The following SORBS2 variants were observed in gnomAD, a reference collection of about 807,000 sequenced individuals.
SORBS2 encodes the protein sorbin and SH3 domain-containing protein 2.
Under a neutral mutation model 97.7 loss-of-function variants are expected in SORBS2, and 46 were observed. The observed-to-expected ratio is 0.47, with a 90% confidence interval of 0.37 to 0.60. The LOEUF (loss-of-function observed/expected upper bound fraction) is 0.60, where lower values mean the gene tolerates loss of function less well. SORBS2 is among the 20% of genes least tolerant of loss of function. The probability of loss-of-function intolerance (pLI) is 0.00; values close to 1 mark genes in which losing one functional copy is unlikely to be tolerated. For missense variants in SORBS2, 1,316 were observed against 1,282.3 expected, an observed-to-expected ratio of 1.03 and a Z score of -0.40; for synonymous variants, 476 against 473.4, an observed-to-expected ratio of 1.01 and a Z score of -0.07.
chr4:185,617,966 T>C (rs2096653672), intron 9 of SORBS2, among the ~76,000 whole-genome samples: 1 of 152,186 alleles, frequency 6.6e-6, no homozygotes, highest in African/African-American at 2.4e-5. Flanking sequence ...CAATACTTTA[T>C]TTATTTACTT....
chr4:185,660,868 G>A (rs1016207419), upstream of SORBS2, among the ~76,000 whole-genome samples: 2 of 152,184 alleles, frequency 1.3e-5, no homozygotes, highest in African/African-American at 4.8e-5. Flanking sequence ...TGTCCTAGAA[G>A]CTTCCTAGTG....
intron 2 of SORBS2, among the ~76,000 whole-genome samples, chr4:185,695,386 C>T (rs143820453): frequency 4.3e-4 from 65 of 152,156 alleles, no homozygotes; most frequent in African/African-American, 1.4e-3. Flanking sequence ...TTTCCACAGA[C>T]GAACCTTAAG....
At chr4:185,593,973 ACTGG>A in intron 12 of SORBS2, 38 bp from the exon 25 acceptor site, 1 of 1,333,832 alleles carries the variant, frequency 7.5e-7, no homozygotes, top group Non-Finnish European at 1.1e-6. Context: ...CAATGTTTAA[ACTGG>A]TACTAATTAA....
chr4:185,658,422 T>A (rs1399814931), upstream of SORBS2, among the ~76,000 whole-genome samples: 2 of 150,832 alleles, frequency 1.3e-5, no homozygotes, highest in Non-Finnish European at 3.0e-5. Flanking sequence ...TTTAAAAAAA[T>A]CATCATTATT....
At chr4:185,638,960 C>T (rs563926534) in intron 4 of SORBS2, 169 of 1,524,512 alleles carry the variant, frequency 1.1e-4, no homozygotes, top group Middle Eastern at 6.8e-4. Flanking sequence ...CCAGTGACTT[C>T]TCCGAGTCGG....
chr4:185,646,959 C>T (rs2097218105), intron 3 of SORBS2, among the ~76,000 whole-genome samples, 177 bp from the exon 13 acceptor site: 1 of 151,948 alleles, frequency 6.6e-6, no homozygotes, highest in Non-Finnish European at 1.5e-5. Flanking sequence ...CCAAAAGTCA[C>T]ATGAGGGGTT....
chr4:185,629,564 G>A (rs112258703), intron 5 of SORBS2, among the ~76,000 whole-genome samples: 4 of 135,722 alleles, frequency 2.9e-5, no homozygotes, highest in African/African-American at 1.1e-4. Context: ...TTTGTGATTT[G>A]TTTTTTTTTT....
intron 2 of SORBS2, among the ~76,000 whole-genome samples, chr4:185,750,639 T>C (rs1211354354): frequency 6.6e-6 from 1 of 152,220 alleles, no homozygotes; most frequent in Admixed American, 6.5e-5. Context: ...TTTGGTACCA[T>C]ATTGAAAATA....
At chr4:185,619,115 G>A (rs2096671831) in intron 8 of SORBS2, among the ~76,000 whole-genome samples, 1 of 152,154 alleles carries the variant, frequency 6.6e-6, no homozygotes, top group Non-Finnish European at 1.5e-5. Context: ...TCACTGGGAG[G>A]CTGGTTAGTG....
At chr4:185,833,461 C>T (rs2099206252) in intron 1 of SORBS2, among the ~76,000 whole-genome samples, 1 of 152,180 alleles carries the variant, frequency 6.6e-6, no homozygotes, top group Non-Finnish European at 1.5e-5. Context: ...TAAATCCTTT[C>T]AAATGAAACC....
chr4:185,744,054 TC>T (rs1311846147), intron 2 of SORBS2, among the ~76,000 whole-genome samples: 2 of 140,678 alleles, frequency 1.4e-5, no homozygotes, highest in Non-Finnish European at 3.1e-5. Flanking sequence ...CCCTTCTTCC[TC>T]CTTCTCCCCC....
chr4:185,677,481 G>T (rs762581586), intron 4 of SORBS2: 3 of 1,551,874 alleles, frequency 1.9e-6, no homozygotes. Flanking sequence ...ATCTTCATTG[G>T]AATACATAGT....
Position 185,627,127 on chromosome 4 carries a change from T to C in SORBS2, c.447-108A>G, listed in dbSNP as rs1294589254. On this transcript the variant is annotated intron_variant, in intron 5 of 14. Transcript: ENST00000418609. The stretch of plus-strand genomic sequence containing the variant: ...GACAATGGCGTAACTCCTAAACCTC[T>C]ATCCCCAAAACTGCATTGCTAGGAA... The C allele has an allele frequency of 5.8e-6, 5 of 866,066 alleles. No homozygotes were observed. In the African/African-American group the frequency reaches 8.2e-5, roughly 14 times the overall value. The allele number at this position is 866,066 out of a possible 1,614,324, so 53.6% of individuals were successfully genotyped here. A position where few individuals can be genotyped will look rare whatever the true frequency, so the allele number is the denominator to read the frequency against.
chr4:185,660,892 G>A (rs1486597856), upstream of SORBS2, among the ~76,000 whole-genome samples: 5 of 152,220 alleles, frequency 3.3e-5, no homozygotes, highest in Admixed American at 2.6e-4. Flanking sequence ...CGACATCATG[G>A]AAACTTGTAC....
At chr4:185,678,873 A>ATGT in intron 2 of SORBS2, 51 bp from the exon 6 acceptor site, 1 of 1,128,340 alleles carries the variant, frequency 8.9e-7, no homozygotes, top group Non-Finnish European at 1.2e-6. Context: ...ATAAATGAAC[A>ATGT]ACCCAGTAAA....
chr4:185,657,578 G>C, upstream of SORBS2: 1 of 1,589,278 alleles, frequency 6.3e-7, no homozygotes, highest in Non-Finnish European at 8.5e-7. Context: ...CGCATGCTGG[G>C]GATATGTGTC....
At chr4:185,939,575 ACCT>A (rs1229174287) in intron 1 of SORBS2, among the ~76,000 whole-genome samples, 2 of 151,674 alleles carry the variant, frequency 1.3e-5, no homozygotes, top group Non-Finnish European at 2.9e-5. Context: ...CGATGGCGCG[ACCT>A]CGGCTCACCG....
intron 1 of SORBS2, among the ~76,000 whole-genome samples, chr4:185,812,511 T>A (rs1319184692): frequency 6.6e-6 from 1 of 152,234 alleles, no homozygotes; most frequent in Admixed American, 6.5e-5. Context: ...AGTGAAGCCC[T>A]ATTAGTGGCT....
At chr4:185,823,444 A>G (rs986287119) in intron 1 of SORBS2, among the ~76,000 whole-genome samples, 1 of 152,238 alleles carries the variant, frequency 6.6e-6, no homozygotes, top group African/African-American at 2.4e-5. Context: ...AGGTACACTC[A>G]ACAATAACAA....
Sources: allele counts gnomAD v4.1 joint callset (sites outside exome capture counted in the v4.1 genomes callset), GRCh38; gene constraint gnomAD v4.1.1; transcripts MANE v1.5; gene names NCBI Gene and HGNC (gene_info 2026-07-23, HGNC 2026-07-21).